The following TXNIP variants were observed in gnomAD, a reference collection of about 807,000 sequenced individuals.
TXNIP encodes the protein thioredoxin interacting protein.
TXNIP carries 23 observed loss-of-function variants against 43.9 expected under a neutral mutation model. The observed-to-expected ratio is 0.52, with a 90% CI of 0.38 to 0.74. The LOEUF (loss-of-function observed/expected upper bound fraction) is 0.74. Ranked by LOEUF, TXNIP falls within the 30% of genes least tolerant of loss-of-function variation. TXNIP has a pLI of 0.00. For missense variants in TXNIP, 555 were observed against 485.4 expected (o/e 1.14, Z -1.35); for synonymous variants, 234 against 172.2 (o/e 1.36, Z -2.81).
At position 145,996,460 on chromosome 1, in the gene TXNIP, A is replaced by C; in HGVS notation, c.-194T>G. The C allele has an allele frequency of 1.7e-6, 1 of 593,178 alleles. No homozygotes were observed. The highest frequency in any genetic ancestry group is 2.8e-6 in the Non-Finnish European group (1 of 358,020). The allele number at this position is 593,178 out of a possible 1,614,324, so 36.7% of individuals were successfully genotyped here. A position where few individuals can be genotyped will look rare whatever the true frequency, so the allele number is the denominator to read the frequency against. On this transcript the variant is annotated 5_prime_UTR_variant, in exon 1 of 8. Transcript: ENST00000582401. ...ACTAGGTTTTCGAAAAGGCGCCTAA[A>C]AAATATACGCCGCTGGTTACACTAA...
intron 6 of TXNIP, 33 bp from the exon 7 acceptor site, chr1:145,994,200 T>C (rs371710686): frequency 2.4e-5 from 38 of 1,613,180 alleles, no homozygotes; most frequent in Non-Finnish European, 3.1e-5. Context: ...ATAAGAATCC[T>C]GCCCAAGAAA....
Position 145,992,572 on chromosome 1 carries a change from A to AC in TXNIP, c.*1278dup, listed in dbSNP as rs1259759524. The stretch of plus-strand genomic sequence containing the variant: ...TACATAATACAAAAACATGAAACCA[A>AC]CCATCTTCAGCCCACACTTTCTGGC... On this transcript the variant is annotated 3_prime_UTR_variant, in exon 8 of 8. Transcript: ENST00000582401. 6.6e-6 allele frequency: 1 copy of AC among 152,658 alleles called. No individual in the cohort carries two copies. Among genetic ancestry groups the AC allele is most frequent in the Admixed American group, 6.5e-5 (1 of 15,276 alleles). 9.5% of individuals were successfully genotyped at this position (152,658 alleles called of 1,614,324 possible).
In TXNIP at chr1:145,993,745, A is replaced by T; in HGVS notation, c.*106T>A. Reference sequence around the variant, plus strand: ...ATTAGGAAGTCAGAGGCTAAGGTGGACCCACACTCCATTGCAGAGACTGTT... The same window carrying T: ...ATTAGGAAGTCAGAGGCTAAGGTGGTCCCACACTCCATTGCAGAGACTGTT... On this transcript the variant is annotated 3_prime_UTR_variant, in exon 8 of 8. Coordinates refer to ENST00000582401, the MANE Select transcript of TXNIP (RefSeq NM_006472.6). The T allele has an allele frequency of 5.2e-6, 7 of 1,342,914 alleles. No individual in the cohort carries two copies. The highest frequency in any genetic ancestry group is 7.3e-6 in the Non-Finnish European group (7 of 962,438). The allele number at this position is 1,342,914 out of a possible 1,614,324, so 83.2% of individuals were successfully genotyped here. A position where few individuals can be genotyped will look rare whatever the true frequency, so the allele number is the denominator to read the frequency against.
At chr1:145,995,768 C>A (rs1651485299) in intron 1 of TXNIP, 1 of 615,898 alleles carries the variant, frequency 1.6e-6, no homozygotes, top group African/African-American at 1.8e-5. Flanking sequence ...ACACATAAGA[C>A]TTTAACTACC....
In TXNIP at chr1:145,994,434, A is replaced by C; in HGVS notation, c.835T>G (p.Tyr279Asp). The C allele has an allele frequency of 6.2e-7, 1 of 1,613,704 alleles. No individual in the cohort carries two copies. The highest frequency in any genetic ancestry group is 8.5e-7 in the Non-Finnish European group (1 of 1,179,760). Residue 279 changes from tyrosine to aspartate, a missense_variant, in exon 6 of 8, where the codon TAT (tyrosine) becomes GAT (aspartate). Tyr to Asp is a radical substitution (Grantham distance 160). Transcript: ENST00000582401. ...ILRVEYSLLI[Y>D]VSVPGSKKVI... is the part of the protein sequence containing the mutation. ...TTCTTGGATCCAGGAACGCTAACAT[A>C]GATCTAGAAAGGAAGATGGCAGTTT...
rs200829595 is a variant in TXNIP at position 145,994,624 on chromosome 1, G to A, written c.751C>T (p.Arg251Cys). ...TTCTGAACCCGAAGGCTCTTGCCACGCCATGATGCGCATGTCCCTGAGATA... is the reference window on the plus strand; with the variant it reads ...TTCTGAACCCGAAGGCTCTTGCCACACCATGATGCGCATGTCCCTGAGATA... ...HIISGTCASW[R>C]GKSLRVQKIR... The change falls in exon 5 of 8, where the codon CGT becomes TGT. Residue 251 changes from arginine (R) to cysteine (C), a missense_variant. By Grantham distance (180) the Arg-to-Cys change is radical. Transcript: ENST00000582401. The A allele has an allele frequency of 7.4e-6, 12 of 1,614,202 alleles. No homozygotes were observed. Among genetic ancestry groups the A allele is most frequent in the East Asian group, 4.5e-5 (2 of 44,894 alleles).
At chr1:145,995,714 T>TAGTA in intron 1 of TXNIP, 1 of 610,868 alleles carries the variant, frequency 1.6e-6, no homozygotes, top group Non-Finnish European at 2.9e-6. Flanking sequence ...AGTTCTCTAC[T>TAGTA]AACATCTCAA....
rs1314937873 is a variant in TXNIP at position 145,996,495 on chromosome 1, G to A, written c.-229C>T. ...CCGCTGGTTACACTAAGCTAATTCA[G>A]AGAAAAAGCCTTCTTTCCCCCAATT... On this transcript the variant is annotated 5_prime_UTR_variant, in exon 1 of 8. Coordinates refer to ENST00000582401, the MANE Select transcript of TXNIP (RefSeq NM_006472.6). The A allele has an allele frequency of 1.2e-5, 5 of 432,686 alleles. No homozygotes were observed. In the Admixed American group the frequency reaches 1.3e-4, roughly 11 times the overall value. 26.8% of individuals were successfully genotyped at this position (432,686 alleles called of 1,614,324 possible).
Position 145,993,713 on chromosome 1 carries a change from C to T in TXNIP, c.*138G>A, listed in dbSNP as rs1651292942. 1 of 960,336 alleles carries T rather than the reference C, an allele frequency of 1.0e-6. No homozygotes were observed. The highest frequency in any genetic ancestry group is 1.5e-6 in the Non-Finnish European group (1 of 648,902). The allele number at this position is 960,336 out of a possible 1,614,324, so 59.5% of individuals were successfully genotyped here. On this transcript the variant is annotated 3_prime_UTR_variant, in exon 8 of 8. Coordinates refer to ENST00000582401, the MANE Select transcript of TXNIP (RefSeq NM_006472.6). Reference sequence around the variant, plus strand: ...GCCCAGGAGATTGCCTGCTGACCACCTCCTACATTAGGAAGTCAGAGGCTA... The same window carrying T: ...GCCCAGGAGATTGCCTGCTGACCACTTCCTACATTAGGAAGTCAGAGGCTA...
Position 145,994,625 on chromosome 1 carries a change from C to T in TXNIP, c.750G>A (p.Trp250Ter), listed in dbSNP as rs1651371464. 1 of 1,614,068 alleles carries T rather than the reference C, an allele frequency of 6.2e-7. No individual in the cohort carries two copies. The highest frequency in any genetic ancestry group is 1.3e-5 in the African/African-American group (1 of 74,916). The stretch of plus-strand genomic sequence containing the variant: ...TCTGAACCCGAAGGCTCTTGCCACG[C>T]CATGATGCGCATGTCCCTGAGATAA... ...NHIISGTCAS[W>*]RGKSLRVQKI... is the part of the protein sequence containing the mutation. Residue 250 changes from tryptophan (W) to a stop codon, truncating the protein, a stop_gained, in exon 5 of 8, where the codon TGG becomes TGA. Transcript: ENST00000582401. LOFTEE classifies it high-confidence loss of function.
At chr1:145,995,970 C>T (rs1571021480) in intron 1 of TXNIP, 47 bp downstream of exon 1, 1 of 1,600,082 alleles carries the variant, frequency 6.2e-7, no homozygotes, top group Non-Finnish European at 8.5e-7. Context: ...ATTCAATTCT[C>T]TTCTCTAATC....
At position 145,995,043 on chromosome 1, in the gene TXNIP, G is replaced by T; in HGVS notation, c.472-12C>A. On this transcript the variant is annotated splice_polypyrimidine_tract_variant and intron_variant, in intron 3 of 7. Transcript: ENST00000582401. Reference sequence around the variant, plus strand: ...GCAGACACAGGTGCCTATATAGAAGGGGATAAAAAGGTGTTTTGAGATGCT... The same window carrying T: ...GCAGACACAGGTGCCTATATAGAAGTGGATAAAAAGGTGTTTTGAGATGCT... The T allele has an allele frequency of 6.2e-7, 1 of 1,613,630 alleles. No individual in the cohort carries two copies.
At chr1:145,995,562 G>GC in intron 1 of TXNIP, 86 bp from the exon 2 acceptor site, 1 of 1,259,832 alleles carries the variant, frequency 7.9e-7, no homozygotes, top group Non-Finnish European at 1.2e-6. Flanking sequence ...TGGGTGGCAT[G>GC]CAAGGTATTG....
At chr1:145,995,701 G>A (rs587733541) in intron 1 of TXNIP, 31 of 617,704 alleles carry the variant, frequency 5.0e-5, no homozygotes, top group African/African-American at 4.4e-4. Context: ...ATTCACCCAG[G>A]ACAGTTCTCT....
rs782789090 is a variant in TXNIP, at chr1:145,994,609, G to A, written c.766C>T (p.Arg256Trp). The change falls in exon 5 of 8, where the codon CGG becomes TGG. Residue 256 changes from arginine (R) to tryptophan (W), a missense_variant. Arg to Trp is a moderately radical substitution (Grantham distance 101). Transcript: ENST00000582401. ...TCASWRGKSL[R>W]VQKIRPSILG... ...ATAGAAGGCCTGATCTTCTGAACCC[G>A]AAGGCTCTTGCCACGCCATGATGCG... 1.2e-5 allele frequency: 20 copies of A among 1,614,176 alleles called. No homozygotes were observed. The highest frequency in any genetic ancestry group is 2.7e-5 in the African/African-American group (2 of 75,052).
chr1:145,995,101 T>A (rs1553766240), intron 3 of TXNIP, 43 bp downstream of exon 3: 3 of 1,613,430 alleles, frequency 1.9e-6, no homozygotes, highest in Non-Finnish European at 2.5e-6. Context: ...TGATTTATCA[T>A]CCTCATGACC....
In TXNIP at chr1:145,994,546, G is replaced by C. The variant is rs1002032286; in HGVS notation, c.829C>G (p.Leu277Val). The C allele has an allele frequency of 6.2e-7, 1 of 1,614,214 alleles. No homozygotes were observed. Among genetic ancestry groups the C allele is most frequent in the South Asian group, 1.1e-5 (1 of 91,086 alleles). ...CNILRVEYSLLIYVSVPGSKK... is the reference protein window; with the variant it reads ...CNILRVEYSLVIYVSVPGSKK... ...GAAGCCACCCTGCATCTACCCACCA[G>C]TAAGGAATATTCAACTCGAAGGATG... The change falls in exon 5 of 8, where the codon CTG becomes GTG. Residue 277 changes from leucine to valine, a missense_variant and splice_region_variant. Coordinates refer to ENST00000582401, the MANE Select transcript of TXNIP (RefSeq NM_006472.6).
At chr1:145,995,335 G>C (rs782779252) in intron 2 of TXNIP, 44 bp from the exon 3 acceptor site, 4 of 1,610,870 alleles carry the variant, frequency 2.5e-6, no homozygotes, top group South Asian at 1.1e-5. Context: ...TCCAAGAACA[G>C]TAAGTGATCA....
In TXNIP at chr1:145,992,751, G is replaced by A. The variant is rs1275758715; in HGVS notation, c.*1100C>T. 6.6e-6 allele frequency: 1 copy of A among 152,582 alleles called. No individual in the cohort carries two copies. Among genetic ancestry groups the A allele is most frequent in the Non-Finnish European group, 1.5e-5 (1 of 68,064 alleles). The allele number at this position is 152,582 out of a possible 1,614,324, so 9.5% of individuals were successfully genotyped here. On this transcript the variant is annotated 3_prime_UTR_variant, in exon 8 of 8. Transcript: ENST00000582401. The stretch of plus-strand genomic sequence containing the variant: ...CACAGGGCAGGAAGGGGGTTCAAAG[G>A]GCTTTTATGAAGACCTGCCCTCTAG...
Sources: gnomAD v4.1 joint callset for allele counts on GRCh38, gnomAD v4.1.1 for gene constraint, MANE v1.5 for transcripts, NCBI Gene and HGNC (gene_info 2026-07-23, HGNC 2026-07-21) for gene names.